H3-7: variants seen among roughly 807,000 people sequenced by gnomAD.
H3-7 encodes H3.7 histone (putative).
chr1:143,905,750 G>T, the H3-7 span: 1 of 1,581,926 alleles, frequency 6.3e-7, no homozygotes, highest in Admixed American at 1.7e-5. Context: ...GCGATCTCGC[G>T]TACCAGCCGC....
chr1:143,904,480 C>T, the H3-7 span: 61 of 1,600,220 alleles, frequency 3.8e-5, 1 homozygote, highest in African/African-American at 5.5e-4. Context: ...ACCTCCTACA[C>T]GTAAACGGAG....
the H3-7 span, chr1:143,905,568 C>T: frequency 6.3e-7 from 1 of 1,580,304 alleles, no homozygotes; most frequent in African/African-American, 1.3e-5. Flanking sequence ...AGGCCCGCTC[C>T]CCGCGGATGC....
At chr1:143,905,651 C>T in the H3-7 span, 3 of 1,582,948 alleles carry the variant, frequency 1.9e-6, no homozygotes, top group Admixed American at 1.7e-5. Flanking sequence ...TTCGTGTCTT[C>T]GAACAGCCCC....
At chr1:143,902,731 TCTGTGACACAAAGA>T in the H3-7 span, among the ~76,000 whole-genome samples, 3 of 141,578 alleles carry the variant, frequency 2.1e-5, 1 homozygote, top group Non-Finnish European at 4.7e-5. Context: ...TCTCAGAACA[TCTGTGACACAAAGA>T]CTGTGACACA....
the H3-7 span, chr1:143,904,190 A>G: frequency 1.4e-6 from 2 of 1,432,882 alleles, no homozygotes; most frequent in Non-Finnish European, 2.0e-6. Context: ...CTTTGGGGTT[A>G]GGTGGTTGAT....
At chr1:143,904,886 T>G in the H3-7 span, among the ~76,000 whole-genome samples, 1 of 143,400 alleles carries the variant, frequency 7.0e-6, no homozygotes, top group East Asian at 2.1e-4. Flanking sequence ...AGCGATAGTT[T>G]CAACGGCTTG....
chr1:143,904,681 A>T, the H3-7 span: 27 of 1,464,014 alleles, frequency 1.8e-5, 1 homozygote, highest in Admixed American at 4.6e-4. Flanking sequence ...TGCGCTACTT[A>T]TAGAGCCTGT....
the H3-7 span, chr1:143,904,542 T>G: frequency 7.0e-7 from 1 of 1,432,042 alleles, no homozygotes; most frequent in Non-Finnish European, 9.3e-7. Context: ...CTTCTGCACT[T>G]TCGTAACAGC....
At chr1:143,905,380 C>G in the H3-7 span, 24 of 576,226 alleles carry the variant, frequency 4.2e-5, 5 homozygotes, top group Non-Finnish European at 7.4e-5. Context: ...TCTCTACTGC[C>G]GGCCAACTCA....
At chr1:143,904,676 T>A in the H3-7 span, 2 of 1,483,010 alleles carry the variant, frequency 1.3e-6, no homozygotes, top group South Asian at 2.4e-5. Context: ...GGTTATGCGC[T>A]ACTTATAGAG....
the H3-7 span, among the ~76,000 whole-genome samples, chr1:143,902,811 A>G: frequency 3.4e-5 from 5 of 146,044 alleles, no homozygotes; most frequent in African/African-American, 1.2e-4. Context: ...CACACTCCTG[A>G]GAACACTAAA....
chr1:143,904,215 G>C, the H3-7 span: 1 of 1,544,910 alleles, frequency 6.5e-7, no homozygotes, highest in African/African-American at 1.4e-5. Context: ...TGCGTCCCTT[G>C]CACACTCTTA....
chr1:143,902,812 G>A, the H3-7 span, among the ~76,000 whole-genome samples: 1 of 145,708 alleles, frequency 6.9e-6, no homozygotes, highest in South Asian at 2.3e-4. Flanking sequence ...ACACTCCTGA[G>A]AACACTAAAA....
chr1:143,904,528 CCTT>C, the H3-7 span: 231 of 1,604,880 alleles, frequency 1.4e-4, no homozygotes, highest in Non-Finnish European at 1.8e-4. Flanking sequence ...TTCTCGCCGT[CCTT>C]CTTCTGCACT....
the H3-7 span, chr1:143,905,748 G>A: frequency 6.3e-7 from 1 of 1,581,910 alleles, no homozygotes; most frequent in African/African-American, 1.3e-5. Flanking sequence ...GCGCGATCTC[G>A]CGTACCAGCC....
chr1:143,904,644 C>A, the H3-7 span: 1 of 1,572,124 alleles, frequency 6.4e-7, no homozygotes, highest in Non-Finnish European at 8.7e-7. Flanking sequence ...AAGAAGTAAT[C>A]CGAACTACCG....
chr1:143,904,303 G>A, the H3-7 span: 2 of 1,584,014 alleles, frequency 1.3e-6, no homozygotes, highest in East Asian at 2.3e-5. Flanking sequence ...GGCAGCAGCA[G>A]GCGCACGGCC....
the H3-7 span, chr1:143,904,638 A>T: frequency 6.3e-7 from 1 of 1,577,690 alleles, no homozygotes. Context: ...GACTTAAAGA[A>T]GTAATCCGAA....
At chr1:143,903,116 C>T in the H3-7 span, among the ~76,000 whole-genome samples, 2 of 138,194 alleles carry the variant, frequency 1.4e-5, no homozygotes, top group Non-Finnish European at 3.2e-5. Context: ...GGCGTGAACC[C>T]GGGAGGCGGA....
Sources: gnomAD v4.1 joint callset for allele counts (sites outside exome capture counted in the v4.1 genomes callset) on GRCh38, gnomAD v4.1.1 for gene constraint, MANE v1.5 for transcripts, NCBI Gene and HGNC (gene_info 2026-07-23, HGNC 2026-07-21) for gene names.